The following ABCC5 variants were observed in gnomAD, a reference collection of about 807,000 sequenced individuals.
ABCC5 encodes the protein ATP-binding cassette sub-family C member 5.
In ABCC5, 61 loss-of-function variants were observed where a neutral mutation model predicts 160.9. The observed-to-expected ratio is 0.38, with a 90% CI of 0.31 to 0.47. The LOEUF is 0.47. Ranked by LOEUF, ABCC5 falls within the 20% of genes least tolerant of loss-of-function variation. ABCC5 has a pLI of 0.99. For missense variants in ABCC5, 1,308 were observed against 1,813.3 expected (o/e 0.72, Z 5.06); for synonymous variants, 666 against 700.6 (o/e 0.95, Z 0.78).
At chr3:183,932,971 C>A (rs773396763) in intron 26 of ABCC5, among the ~76,000 whole-genome samples, 1 of 151,956 alleles carries the variant, frequency 6.6e-6, no homozygotes, top group South Asian at 2.1e-4. Context: ...TCAAGACCAC[C>A]AGCCTGGCCA....
rs12630719 is a variant in ABCC5 at position 183,957,842 on chromosome 3, G to A, written c.2482+1891C>T. Among the ~76,000 whole-genome samples, 167 of 115,250 alleles carry A rather than the reference G, an allele frequency of 1.4e-3. 1 individual carries two copies. The highest frequency in any genetic ancestry group is 4.7e-3 in the African/African-American group (140 of 29,532). 75.6% of individuals were successfully genotyped at this position (115,250 alleles called of 152,430 possible). A position where few individuals can be genotyped will look rare whatever the true frequency, so the allele number is the denominator to read the frequency against. On this transcript the variant is annotated intron_variant, in intron 17 of 29. Transcript: ENST00000334444. The stretch of plus-strand genomic sequence containing the variant: ...TGTGTATATCACATCTGTTACATGC[G>A]GATCCGTGTGTATATCACATCTGTT...
intron 2 of ABCC5, among the ~76,000 whole-genome samples, chr3:184,002,282 C>A (rs1447747906): frequency 3.3e-5 from 5 of 151,872 alleles, no homozygotes; most frequent in African/African-American, 1.2e-4. Flanking sequence ...GCCTGTCATC[C>A]CAGCTACTCA....
At chr3:184,013,769 G>T (rs1252460750) in intron 2 of ABCC5, among the ~76,000 whole-genome samples, 1 of 152,206 alleles carries the variant, frequency 6.6e-6, no homozygotes, top group African/African-American at 2.4e-5. Context: ...CAGACCGGGT[G>T]AGAGGGTGAC....
At chr3:183,923,821 A>G (rs1712242531) in intron 29 of ABCC5, among the ~76,000 whole-genome samples, 1 of 152,174 alleles carries the variant, frequency 6.6e-6, no homozygotes, top group Admixed American at 6.6e-5. Context: ...CAAGATGAGG[A>G]GAAAAATCCT....
intron 2 of ABCC5, among the ~76,000 whole-genome samples, chr3:184,002,276 G>A (rs1720807704): frequency 6.6e-6 from 1 of 151,996 alleles, no homozygotes; most frequent in Non-Finnish European, 1.5e-5. Flanking sequence ...ATGCATGCCT[G>A]TCATCCCAGC....
chr3:183,924,519 C>G (rs2108754954), intron 29 of ABCC5, among the ~76,000 whole-genome samples: 1 of 152,306 alleles, frequency 6.6e-6, no homozygotes, highest in South Asian at 2.1e-4. Context: ...GTGGGAGCTT[C>G]TACAATAGAA....
chr3:183,921,043 TATA>T lies in ABCC5; in HGVS notation c.*254_*256del. 1 of 338,584 alleles carries T rather than the reference TATA, an allele frequency of 3.0e-6. No homozygotes were observed. Among genetic ancestry groups the T allele is most frequent in the South Asian group, 6.8e-5 (1 of 14,772 alleles). The allele number at this position is 338,584 out of a possible 1,614,324, so 21.0% of individuals were successfully genotyped here. A position where few individuals can be genotyped will look rare whatever the true frequency, so the allele number is the denominator to read the frequency against. ...CTTCATTATAGGCCTCTGATACAAT[TATA>T]ATAACGGTTCCCTGAACCTTTTAGA... On this transcript the variant is annotated 3_prime_UTR_variant, in exon 30 of 30. Transcript: ENST00000334444. This position sits in a 1 kb window ranked among gnomAD's most constrained non-coding sequence, Gnocchi z 4.1.
chr3:184,002,872 G>A (rs1225090788), intron 2 of ABCC5, among the ~76,000 whole-genome samples: 3 of 152,192 alleles, frequency 2.0e-5, no homozygotes, highest in African/African-American at 4.8e-5. Context: ...GAGACTGCAG[G>A]TGTCAACTGG....
At chr3:184,013,400 CCCA>C (rs1721919456) in intron 2 of ABCC5, among the ~76,000 whole-genome samples, 1 of 151,980 alleles carries the variant, frequency 6.6e-6, no homozygotes, top group South Asian at 2.1e-4. Flanking sequence ...AGTACAGGTG[CCCA>C]CCACCACACC....
At chr3:183,968,127 A>T (rs895584037) in intron 11 of ABCC5, among the ~76,000 whole-genome samples, 7 of 148,488 alleles carry the variant, frequency 4.7e-5, no homozygotes, top group African/African-American at 1.5e-4. Flanking sequence ...AAATCATTTT[A>T]TTATTATTAT....
Position 183,971,588 on chromosome 3 carries a change from T to C in ABCC5, c.1736A>G (p.His579Arg). 1 of 1,614,064 alleles carries C rather than the reference T, an allele frequency of 6.2e-7. No individual in the cohort carries two copies. The highest frequency in any genetic ancestry group is 8.5e-7 in the Non-Finnish European group (1 of 1,180,002). ...LGHLRLQRTL[H>R]SIDLEIQEGK... ...CTCTTGGATCTCCAGATCGATGCTG[T>C]GCAGTGTCCTCTGTAAGCGCAGGTG... is the stretch of plus-strand genomic sequence containing the variant. The change falls in exon 11 of 30, where the codon CAC (histidine) becomes CGC (arginine). Residue 579 changes from histidine (H) to arginine (R), a missense_variant. Coordinates refer to ENST00000334444, the MANE Select transcript of ABCC5 (RefSeq NM_005688.4).
rs372851754 is a variant in ABCC5, at chr3:183,947,373, C to T, written c.3365G>A (p.Gly1122Glu). ...TTGLMIVLMH[G>E]QIPPAYAGLA... ...ACCCGCATAGGCTGGGGGAATCTGC[C>T]CGTGCATAAGAACGATCATCAGCCC... is the stretch of plus-strand genomic sequence containing the variant. Residue 1122 changes from glycine (G) to glutamate (E), a missense_variant, in exon 23 of 30, where the codon GGG becomes GAG. By Grantham distance (98) the Gly-to-Glu change is moderately conservative (BLOSUM62 -2). Around this residue, in one of 3 missense-constraint regions of ABCC5, gnomAD observed 1,142 missense variants for 1,527.1 expected, o/e 0.75. Coordinates refer to ENST00000334444, the MANE Select transcript of ABCC5 (RefSeq NM_005688.4). 10 of 1,613,628 alleles carry T rather than the reference C, an allele frequency of 6.2e-6. No individual in the cohort carries two copies. The highest frequency in any genetic ancestry group is 1.7e-5 in the Admixed American group (1 of 59,986).
intron 29 of ABCC5, among the ~76,000 whole-genome samples, chr3:183,923,548 C>T (rs191208963): frequency 5.3e-5 from 8 of 152,134 alleles, no homozygotes; most frequent in African/African-American, 1.4e-4. Context: ...GCTTGAACCC[C>T]GGAGGCGAAG....
rs1415853101 is a variant in ABCC5 at position 183,955,769 on chromosome 3, T to A, written c.2483-2499A>T. On this transcript the variant is annotated intron_variant, in intron 17 of 29. Transcript: ENST00000334444. ...ATCACATCAGTTACATGCAGATCTG[T>A]GTGTATATTACATCTGTTACATGCA... Among the ~76,000 whole-genome samples the A allele has an allele frequency of 2.1e-5, 3 of 142,900 alleles. 1 individual carries two copies. Among genetic ancestry groups the A allele is most frequent in the African/African-American group, 7.7e-5 (3 of 39,134 alleles). The allele number at this position is 142,900 out of a possible 152,430, so 93.7% of individuals were successfully genotyped here. A position where few individuals can be genotyped will look rare whatever the true frequency, so the allele number is the denominator to read the frequency against.
At position 183,988,613 on chromosome 3, in the gene ABCC5, C is replaced by CCA; in HGVS notation, c.400_401dup (p.Trp134CysfsTer12). On this transcript the variant is annotated frameshift_variant, in exon 4 of 30. Transcript: ENST00000334444. LOFTEE classifies it high-confidence loss of function. This position sits in a 1 kb window ranked among gnomAD's most constrained non-coding sequence, Gnocchi z 4.4. ...CAGAAGACTCGTGCTTGGACAGAGA[C>CCA]CACACGTCTTCCATTGAGAGCTCCC... is the stretch of plus-strand genomic sequence containing the variant. 1 of 1,614,230 alleles carries CCA rather than the reference C, an allele frequency of 6.2e-7. No homozygotes were observed. Among genetic ancestry groups the CCA allele is most frequent in the Non-Finnish European group, 8.5e-7 (1 of 1,180,040 alleles).
chr3:183,997,974 G>C (rs1015941180), intron 2 of ABCC5, among the ~76,000 whole-genome samples: 1 of 151,890 alleles, frequency 6.6e-6, no homozygotes, highest in Non-Finnish European at 1.5e-5. Flanking sequence ...TTGTAGAGAC[G>C]GGTTCTTACT....
Position 183,971,898 on chromosome 3 carries a change from C to A in ABCC5, c.1426G>T (p.Val476Phe), listed in dbSNP as rs1933506842. The change falls in exon 11 of 30, where the codon GTT becomes TTT. Residue 476 changes from valine to phenylalanine, a missense_variant. Val to Phe is a conservative substitution (Grantham distance 50). Around this residue, in one of 3 missense-constraint regions of ABCC5, gnomAD observed 1,142 missense variants for 1,527.1 expected, o/e 0.75. Transcript: ENST00000334444. ...GCTGGTTTGTTCTTTATCATGTGAA[C>A]CTCTTCCATTAGAAACAAACTCTGA... ...RFKSLFLMEE[V>F]HMIKNKPASP... The A allele has an allele frequency of 6.2e-7, 1 of 1,613,942 alleles. No individual in the cohort carries two copies. The highest frequency in any genetic ancestry group is 1.3e-5 in the African/African-American group (1 of 74,902).
At chr3:183,964,274 G>C (rs999574929) in intron 14 of ABCC5, among the ~76,000 whole-genome samples, 1 of 152,098 alleles carries the variant, frequency 6.6e-6, no homozygotes, top group Non-Finnish European at 1.5e-5. Flanking sequence ...ACTTCTTTAC[G>C]TGCAGATTAT....
intron 1 of ABCC5, among the ~76,000 whole-genome samples, chr3:184,015,476 C>A (rs1174749941): frequency 6.6e-6 from 1 of 152,142 alleles, no homozygotes; most frequent in Non-Finnish European, 1.5e-5. Context: ...ATCGCTGTGA[C>A]TTAAAACTAC....
Sources: gnomAD v4.1 joint callset for allele counts (sites outside exome capture counted in the v4.1 genomes callset) on GRCh38, gnomAD v4.1.1 for gene constraint, gnomAD v4.1.1 regional missense constraint, Gnocchi (gnomAD v3.1) non-coding constraint, MANE v1.5 for transcripts, NCBI Gene and HGNC (gene_info 2026-07-23, HGNC 2026-07-21) for gene names.